Variants in USP13 observed in about 807,000 individuals in gnomAD.
USP13 encodes the protein ubiquitin specific peptidase 13.
Under a neutral mutation model 107.8 loss-of-function variants are expected in USP13, and 68 were observed. That is an observed-to-expected ratio of 0.63 (90% confidence interval 0.52 to 0.77). The LOEUF is 0.77. USP13 is among the 30% of genes least tolerant of loss of function. The probability of loss-of-function intolerance (pLI) is 0.00; values close to 1 mark genes in which losing one functional copy is unlikely to be tolerated. For missense variants in USP13, 945 were observed against 1,093.3 expected (o/e 0.86, Z 1.91); for synonymous variants, 377 against 389.5 (o/e 0.97, Z 0.38).
intron 6 of USP13, among the ~76,000 whole-genome samples, chr3:179,710,424 G>A (rs919314395): frequency 1.3e-5 from 2 of 152,168 alleles, no homozygotes; most frequent in East Asian, 3.8e-4. Context: ...TTGTGTAGTT[G>A]CCTTTATATG....
intron 1 of USP13, among the ~76,000 whole-genome samples, chr3:179,672,681 TGGGATTACAGGC>T (rs1720784049): frequency 6.6e-6 from 1 of 152,184 alleles, no homozygotes; most frequent in African/African-American, 2.4e-5. Context: ...CCCAAAGTGA[TGGGATTACAGGC>T]GTGAGCCTCT....
At chr3:179,679,950 G>A (rs977720852) in intron 1 of USP13, among the ~76,000 whole-genome samples, 2 of 151,960 alleles carry the variant, frequency 1.3e-5, no homozygotes, top group African/African-American at 4.8e-5. Flanking sequence ...TTAAGTGGGC[G>A]GATTGCTTGA....
chr3:179,668,753 A>G lies in USP13; in HGVS notation c.169-13125A>G, dbSNP rs141363799. On this transcript the variant is annotated intron_variant, in intron 1 of 20. Coordinates refer to ENST00000263966, the MANE Select transcript of USP13 (RefSeq NM_003940.3). ...TCTGATAGTGCTTTTTCTCCATTATATTTCCCCCTTCTGTGTGCTTGCTGC... is the reference window on the plus strand; with the variant it reads ...TCTGATAGTGCTTTTTCTCCATTATGTTTCCCCCTTCTGTGTGCTTGCTGC... 4.3e-3 allele frequency among the ~76,000 whole-genome samples: 654 copies of G among 151,522 alleles called. 8 individuals are homozygous for G. The highest frequency in any genetic ancestry group is 0.015 in the African/African-American group (617 of 41,300).
Position 179,767,549 on chromosome 3 carries a change from C to T in USP13, c.2413+1701C>T, listed in dbSNP as rs186334241. On this transcript the variant is annotated intron_variant, in intron 19 of 20. Transcript: ENST00000263966. ...AAGCGATTCTCCTGCTTCAGCCTCC[C>T]GAGTAGCTGGAATTACAGGTTTGGG... is the stretch of plus-strand genomic sequence containing the variant. Among the ~76,000 whole-genome samples, 293 of 152,152 alleles carry T rather than the reference C, an allele frequency of 1.9e-3. 2 individuals carry two copies. Among genetic ancestry groups the T allele is most frequent in the Non-Finnish European group, 3.7e-4 (25 of 67,990 alleles).
At position 179,781,807 on chromosome 3, in the gene USP13, A is replaced by G. The variant is rs781182778; in HGVS notation, c.2482A>G (p.Ile828Val). The G allele has an allele frequency of 1.9e-6, 3 of 1,614,048 alleles. No individual in the cohort carries two copies. The highest frequency in any genetic ancestry group is 3.3e-5 in the Admixed American group (2 of 60,028). The change falls in exon 20 of 21, where the codon ATC becomes GTC. Residue 828 changes from isoleucine to valine, a missense_variant. Coordinates refer to ENST00000263966, the MANE Select transcript of USP13 (RefSeq NM_003940.3). ...STMSGHYICH[I>V]KKEGRWVIYN... ...AATGAGTGGTCATTACATTTGCCAT[A>G]TCAAAAAGGAAGGAAGGTGAGTCAT... is the stretch of plus-strand genomic sequence containing the variant.
At chr3:179,774,672 A>G (rs1275479515) in intron 19 of USP13, among the ~76,000 whole-genome samples, 2 of 152,202 alleles carry the variant, frequency 1.3e-5, no homozygotes, top group Non-Finnish European at 2.9e-5. Flanking sequence ...ATTTATTGCA[A>G]AGAGCAAAAG....
At chr3:179,683,802 C>T (rs891807786) in intron 2 of USP13, among the ~76,000 whole-genome samples, 3 of 152,100 alleles carry the variant, frequency 2.0e-5, no homozygotes, top group African/African-American at 7.2e-5. Context: ...TGTGTGTGAA[C>T]GTGACTGTTT....
intron 11 of USP13, among the ~76,000 whole-genome samples, chr3:179,741,301 C>A (rs764460770): frequency 3.3e-5 from 5 of 152,172 alleles, no homozygotes; most frequent in African/African-American, 1.2e-4. Flanking sequence ...CTGCAACCTC[C>A]GCCTTGCAGG....
chr3:179,757,029 C>A, intron 15 of USP13, 23 bp from the exon 16 acceptor site: 1 of 1,613,774 alleles, frequency 6.2e-7, no homozygotes, highest in Non-Finnish European at 8.5e-7. Flanking sequence ...GTCTCATTTT[C>A]TGTCCTCTCC....
At chr3:179,765,604 A>G in intron 18 of USP13, 91 bp from the exon 19 acceptor site, 1 of 1,475,958 alleles carries the variant, frequency 6.8e-7, no homozygotes, top group Non-Finnish European at 9.1e-7. Context: ...CTCCTTCCCT[A>G]TCTGCCTGAC....
intron 4 of USP13, among the ~76,000 whole-genome samples, chr3:179,703,889 G>A (rs35311858): frequency 0.038 from 5,711 of 152,200 alleles, 158 homozygotes; most frequent in Non-Finnish European, 0.056. Context: ...ATGATTTAAC[G>A]TTTTATAATG....
intron 13 of USP13, 140 bp from the exon 14 acceptor site, chr3:179,752,145 T>C (rs1378717181): frequency 1.5e-6 from 1 of 680,232 alleles, no homozygotes; most frequent in African/African-American, 1.8e-5. Flanking sequence ...CACTTACATG[T>C]CTGTGTTTGC....
chr3:179,765,777 A>G lies in USP13; in HGVS notation c.2342A>G (p.Glu781Gly). Residue 781 changes from glutamate (E) to glycine (G), a missense_variant, in exon 19 of 21, where the codon GAG becomes GGG. Coordinates refer to ENST00000263966, the MANE Select transcript of USP13 (RefSeq NM_003940.3). ...GACAGTGATTTTGTGATTGAGATGG[A>G]GAATAATGCCAATGCAAACATTATT... is the stretch of plus-strand genomic sequence containing the variant. ...EEDSDFVIEMENNANANIISE... is the reference protein window; with the variant it reads ...EEDSDFVIEMGNNANANIISE... 1 of 1,614,204 alleles carries G rather than the reference A, an allele frequency of 6.2e-7. No homozygotes were observed. Among genetic ancestry groups the G allele is most frequent in the Non-Finnish European group, 8.5e-7 (1 of 1,180,036 alleles).
intron 3 of USP13, among the ~76,000 whole-genome samples, chr3:179,690,599 G>T (rs1411729724): frequency 2.0e-5 from 3 of 152,168 alleles, no homozygotes; most frequent in Admixed American, 2.0e-4. Context: ...TTGAGACAGG[G>T]TCTGGCTCTC....
chr3:179,752,389 G>A lies in USP13; in HGVS notation c.1798+16G>A, dbSNP rs148209402. The A allele has an allele frequency of 4.2e-5, 67 of 1,596,122 alleles. No homozygotes were observed. In the East Asian group the frequency reaches 9.2e-4, roughly 22 times the overall value. ...AAAAAATTTGGTAGGTATCTTTTGC[G>A]TGCTTTTGCTTAAAACATCAAATGA... On this transcript the variant is annotated intron_variant, in intron 14 of 20. Transcript: ENST00000263966.
chr3:179,753,235 G>A (rs562248446), intron 14 of USP13, among the ~76,000 whole-genome samples: 12 of 152,192 alleles, frequency 7.9e-5, no homozygotes, highest in Admixed American at 1.3e-4. Context: ...ATGTAGAATC[G>A]GCTGGAGTGA....
At chr3:179,740,186 C>G (rs1714136964) in intron 10 of USP13, 61 bp from the exon 11 acceptor site, 4 of 1,598,132 alleles carry the variant, frequency 2.5e-6, no homozygotes, top group Non-Finnish European at 3.4e-6. Flanking sequence ...GCTCTGCTTG[C>G]CGCTTAGGGC....
chr3:179,775,846 G>A (rs62291561), intron 19 of USP13, among the ~76,000 whole-genome samples: 6 of 152,062 alleles, frequency 3.9e-5, no homozygotes, highest in South Asian at 4.1e-4. Flanking sequence ...TCCTGCCTGC[G>A]CCTCTCCCTC....
At chr3:179,752,832 ATC>A (rs1485112389) in intron 14 of USP13, among the ~76,000 whole-genome samples, 1 of 152,148 alleles carries the variant, frequency 6.6e-6, no homozygotes, top group Non-Finnish European at 1.5e-5. Context: ...TCCTCATAGG[ATC>A]TCTCCTCTGC....
Sources: allele counts gnomAD v4.1 joint callset (sites outside exome capture counted in the v4.1 genomes callset), GRCh38; gene constraint gnomAD v4.1.1; transcripts MANE v1.5; gene names NCBI Gene and HGNC (gene_info 2026-07-23, HGNC 2026-07-21).